Variants in DPYD observed in about 807,000 individuals in gnomAD.
DPYD encodes dihydropyrimidine dehydrogenase.
DPYD carries 109 observed loss-of-function variants against 116.2 expected under a neutral mutation model. That is an observed-to-expected ratio of 0.94 (90% CI 0.80 to 1.10). DPYD has a LOEUF of 1.10. Among genes scored for constraint, DPYD ranks in the 50% least tolerant of loss-of-function variants. The pLI is 0.00. For missense variants in DPYD, 1,302 were observed against 1,254.5 expected, an observed-to-expected ratio of 1.04 and a Z score of -0.57; for synonymous variants, 440 against 432.0, an observed-to-expected ratio of 1.02 and a Z score of -0.23.
At chr1:97,449,913 T>TA in intron 14 of DPYD, 146 bp downstream of exon 14, 1 of 1,035,622 alleles carries the variant, frequency 9.7e-7, no homozygotes, top group Non-Finnish European at 1.4e-6. Context: ...CTTTCTTTTT[T>TA]ATCTTTCTAT....
chr1:97,763,728 G>A (rs1409707838), intron 3 of DPYD, among the ~76,000 whole-genome samples: 3 of 151,834 alleles, frequency 2.0e-5, no homozygotes, highest in East Asian at 1.9e-4. Flanking sequence ...TTAAATTATT[G>A]TGATTTATTA....
At chr1:97,547,592 C>A (rs1650997098) in intron 12 of DPYD, among the ~76,000 whole-genome samples, 1 of 152,080 alleles carries the variant, frequency 6.6e-6, no homozygotes, top group African/African-American at 2.4e-5. Flanking sequence ...GATTTGGCAT[C>A]TCCCTAGATG....
chr1:97,582,815 G>A (rs907847153), intron 10 of DPYD, among the ~76,000 whole-genome samples: 2 of 152,090 alleles, frequency 1.3e-5, no homozygotes, highest in East Asian at 3.8e-4. Context: ...AAATATAGTC[G>A]TCCCTTAACT....
intron 8 of DPYD, among the ~76,000 whole-genome samples, chr1:97,637,381 T>A (rs1273753457): frequency 6.6e-6 from 1 of 152,126 alleles, no homozygotes; most frequent in Non-Finnish European, 1.5e-5. Flanking sequence ...GCTACCTACT[T>A]CTTTTGTTAG....
chr1:97,761,158 A>T (rs1665551907), intron 3 of DPYD, among the ~76,000 whole-genome samples: 1 of 152,126 alleles, frequency 6.6e-6, no homozygotes, highest in Admixed American at 6.6e-5. Flanking sequence ...AGGCAATCAC[A>T]GAGTTGTTAG....
At chr1:97,501,783 C>A (rs990857571) in intron 13 of DPYD, among the ~76,000 whole-genome samples, 6 of 151,914 alleles carry the variant, frequency 3.9e-5, no homozygotes, top group South Asian at 2.1e-4. Context: ...GGTAGGGAAG[C>A]GTTTTTTAGT....
intron 20 of DPYD, among the ~76,000 whole-genome samples, chr1:97,187,975 C>T (rs1248726857): frequency 2.6e-5 from 4 of 152,066 alleles, no homozygotes; most frequent in Non-Finnish European, 5.9e-5. Flanking sequence ...ATTACCACAG[C>T]CTAATTGTAT....
At chr1:97,702,989 T>C (rs1258546291) in intron 5 of DPYD, among the ~76,000 whole-genome samples, 5 of 152,024 alleles carry the variant, frequency 3.3e-5, no homozygotes, top group Non-Finnish European at 7.4e-5. Context: ...ATAGCATATG[T>C]GCACATACTA....
At chr1:97,844,046 C>T (rs1670169642) in intron 2 of DPYD, among the ~76,000 whole-genome samples, 1 of 151,862 alleles carries the variant, frequency 6.6e-6, no homozygotes, top group Admixed American at 6.6e-5. Flanking sequence ...ACAGAATGGT[C>T]AGGGAAGACA....
At chr1:97,872,903 C>T (rs945139910) in intron 2 of DPYD, among the ~76,000 whole-genome samples, 28 of 152,034 alleles carry the variant, frequency 1.8e-4, no homozygotes, top group African/African-American at 6.7e-4. Context: ...TAACTTCAAT[C>T]AGTATGCTCC....
At chr1:97,363,749 C>T (rs1023882815) in intron 16 of DPYD, among the ~76,000 whole-genome samples, 10 of 152,096 alleles carry the variant, frequency 6.6e-5, no homozygotes, top group African/African-American at 2.4e-4. Context: ...GGGAATTTAA[C>T]AATGAGAACA....
chr1:97,412,240 T>C (rs1400871368), intron 14 of DPYD, among the ~76,000 whole-genome samples: 2 of 152,188 alleles, frequency 1.3e-5, no homozygotes, highest in Admixed American at 6.6e-5. Context: ...GTCTAAAACT[T>C]GACGCATTTT....
chr1:97,231,976 T>G (rs775574303), intron 19 of DPYD, among the ~76,000 whole-genome samples: 10 of 152,242 alleles, frequency 6.6e-5, no homozygotes, highest in Non-Finnish European at 1.5e-4. Context: ...GATACTGTTA[T>G]CTTCCAGATT....
At chr1:97,110,364 T>C (rs765693115) in intron 20 of DPYD, among the ~76,000 whole-genome samples, 2 of 152,106 alleles carry the variant, frequency 1.3e-5, no homozygotes, top group Non-Finnish European at 2.9e-5. Flanking sequence ...TTTCACCCTC[T>C]GTCTTCTCTT....
intron 3 of DPYD, among the ~76,000 whole-genome samples, chr1:97,822,687 G>A (rs1057288610): frequency 1.3e-5 from 2 of 152,066 alleles, no homozygotes; most frequent in Non-Finnish European, 2.9e-5. Flanking sequence ...CTCTGAGAAT[G>A]TGAGAATGGC....
intron 3 of DPYD, among the ~76,000 whole-genome samples, chr1:97,820,740 T>C (rs182971335): frequency 5.5e-4 from 84 of 152,288 alleles, no homozygotes; most frequent in South Asian, 1.9e-3. Flanking sequence ...ATAGTACTAA[T>C]GTAAATATAA....
At chr1:97,113,222 C>G (rs946133113) in intron 20 of DPYD, among the ~76,000 whole-genome samples, 1 of 152,032 alleles carries the variant, frequency 6.6e-6, no homozygotes. Flanking sequence ...TGAACTGAAT[C>G]CTATAGAAAG....
chr1:97,265,037 G>A (rs182604886), intron 18 of DPYD, among the ~76,000 whole-genome samples: 21 of 152,144 alleles, frequency 1.4e-4, no homozygotes, highest in Middle Eastern at 3.4e-3. Flanking sequence ...AGACTGTCCC[G>A]TTCATCCGTG....
intron 13 of DPYD, among the ~76,000 whole-genome samples, chr1:97,491,752 T>C (rs75441272): frequency 1.3e-5 from 2 of 152,138 alleles, no homozygotes; most frequent in South Asian, 2.1e-4. Flanking sequence ...ATTTTAATCA[T>C]ATTGTCTATT....
Sources: allele counts gnomAD v4.1 joint callset (sites outside exome capture counted in the v4.1 genomes callset), GRCh38; gene constraint gnomAD v4.1.1; transcripts MANE v1.5; gene names NCBI Gene and HGNC (gene_info 2026-07-23, HGNC 2026-07-21).